The following ANKFN1 variants were observed in gnomAD, a reference collection of about 807,000 sequenced individuals.
The protein encoded by ANKFN1 is ankyrin repeat and fibronectin type-III domain-containing protein 1.
ANKFN1 carries 74 observed loss-of-function variants against 108.7 expected under a neutral mutation model. That is an observed-to-expected ratio of 0.68 (90% CI 0.56 to 0.83). The LOEUF is 0.83. ANKFN1 is among the 40% of genes least tolerant of loss of function. The pLI, the probability that ANKFN1 is intolerant of heterozygous loss-of-function variation, is 0.00. For missense variants in ANKFN1, 1,505 were observed against 1,382.3 expected (o/e 1.09, Z -1.41); for synonymous variants, 547 against 516.2 (o/e 1.06, Z -0.81).
intron 8 of ANKFN1, among the ~76,000 whole-genome samples, chr17:56,399,726 A>G (rs963226908): frequency 6.6e-6 from 1 of 151,700 alleles, no homozygotes; most frequent in South Asian, 2.1e-4. Context: ...AGAACATATG[A>G]TGTTTGGCTT....
chr17:56,284,504 T>C (rs2044166760), intron 3 of ANKFN1, among the ~76,000 whole-genome samples: 1 of 152,196 alleles, frequency 6.6e-6, no homozygotes, highest in Admixed American at 6.5e-5. Context: ...AGTGATTGAA[T>C]TTCACTTAAT....
chr17:56,302,457 G>A (rs1352251721), intron 3 of ANKFN1, among the ~76,000 whole-genome samples: 1 of 148,618 alleles, frequency 6.7e-6, no homozygotes, highest in East Asian at 2.0e-4. Context: ...TAAAGCTGCA[G>A]TGAGCCATAA....
chr17:56,232,027 CT>C (rs887928682), intron 3 of ANKFN1, among the ~76,000 whole-genome samples: 28 of 152,096 alleles, frequency 1.8e-4, no homozygotes, highest in African/African-American at 6.8e-4. Context: ...CTCCCTCTGA[CT>C]TTGGGTCATT....
intron 18 of ANKFN1, among the ~76,000 whole-genome samples, chr17:56,482,831 C>T (rs554518226): frequency 2.6e-5 from 4 of 152,186 alleles, no homozygotes; most frequent in Admixed American, 6.5e-5. Flanking sequence ...ATATAAAAAC[C>T]GATGTTTTCA....
At chr17:56,284,381 T>C (rs1453106561) in intron 3 of ANKFN1, among the ~76,000 whole-genome samples, 1 of 152,246 alleles carries the variant, frequency 6.6e-6, no homozygotes, top group East Asian at 1.9e-4. Flanking sequence ...AAGTATGAGA[T>C]GAAAATACTC....
intron 4 of ANKFN1, among the ~76,000 whole-genome samples, chr17:56,056,720 C>T (rs1211788707): frequency 1.3e-5 from 2 of 152,180 alleles, no homozygotes; most frequent in Non-Finnish European, 2.9e-5. Context: ...CTATAAAAAT[C>T]CTAGAAGAAA....
At chr17:56,451,631 A>G (rs1367020924) in intron 11 of ANKFN1, among the ~76,000 whole-genome samples, 2 of 152,176 alleles carry the variant, frequency 1.3e-5, no homozygotes, top group South Asian at 2.1e-4. Flanking sequence ...TCTGATCCAC[A>G]GTTTCTTGAT....
At chr17:56,062,988 T>C (rs1905001539) in intron 4 of ANKFN1, among the ~76,000 whole-genome samples, 1 of 152,184 alleles carries the variant, frequency 6.6e-6, no homozygotes, top group East Asian at 1.9e-4. Flanking sequence ...CTTATGAAGC[T>C]TAGTTTGGCT....
At chr17:56,216,311 T>C (rs138476228) in intron 2 of ANKFN1, among the ~76,000 whole-genome samples, 1 of 152,352 alleles carries the variant, frequency 6.6e-6, no homozygotes, top group Non-Finnish European at 1.5e-5. Flanking sequence ...TCCTTGGAAA[T>C]TTATTATTTA....
intron 11 of ANKFN1, among the ~76,000 whole-genome samples, chr17:56,455,852 A>C (rs1349916830): frequency 6.6e-6 from 1 of 152,186 alleles, no homozygotes; most frequent in Non-Finnish European, 1.5e-5. Context: ...CAATTAATGA[A>C]TGTCTGTTTT....
At position 56,148,342 on chromosome 17, in the gene ANKFN1, C is replaced by T. The variant is rs553820879; in HGVS notation, c.289-79575C>T. Among the ~76,000 whole-genome samples the T allele has an allele frequency of 7.0e-4, 106 of 152,284 alleles. No homozygotes were observed. In the South Asian group the frequency reaches 0.021, roughly 30 times the overall value. Reference sequence around the variant, plus strand: ...TTCTTTACACGAATGGGATGATTCTCCTAATTTTACAGGAAAGAGGCTAAG... The same window carrying T: ...TTCTTTACACGAATGGGATGATTCTTCTAATTTTACAGGAAAGAGGCTAAG... On this transcript the variant is annotated intron_variant, in intron 4 of 12. Transcript: ENST00000635860.
chr17:56,418,350 A>G (rs2048301350), intron 8 of ANKFN1, among the ~76,000 whole-genome samples: 1 of 152,200 alleles, frequency 6.6e-6, no homozygotes, highest in Non-Finnish European at 1.5e-5. Context: ...AATTCTGGAA[A>G]ATCAAAACCC....
At chr17:56,390,486 T>C (rs1006327630) in intron 8 of ANKFN1, among the ~76,000 whole-genome samples, 1 of 152,306 alleles carries the variant, frequency 6.6e-6, no homozygotes, top group Non-Finnish European at 1.5e-5. Context: ...TTTGCTATTT[T>C]AATAGTGCTA....
chr17:56,467,798 GAAAGAAAGAAAGAAA>G, intron 15 of ANKFN1, among the ~76,000 whole-genome samples: 1 of 30,904 alleles, frequency 3.2e-5, no homozygotes, highest in East Asian at 3.8e-3. Context: ...AAAGAAGAAA[GAAAGAAAGAAAGAAA>G]GAAAGAAAGA....
intron 18 of ANKFN1, among the ~76,000 whole-genome samples, chr17:56,491,124 A>G (rs2051024220): frequency 6.6e-6 from 1 of 152,150 alleles, no homozygotes; most frequent in African/African-American, 2.4e-5. Flanking sequence ...ACATCTAATT[A>G]CTACCTGTAA....
intron 3 of ANKFN1, among the ~76,000 whole-genome samples, chr17:56,288,517 T>G (rs1476780423): frequency 6.6e-6 from 1 of 152,094 alleles, no homozygotes; most frequent in Non-Finnish European, 1.5e-5. Flanking sequence ...ATTCTTACAA[T>G]CAGAAAAGAT....
intron 13 of ANKFN1, 68 bp from the exon 14 acceptor site, chr17:56,457,795 C>T (rs2049761596): frequency 8.1e-7 from 1 of 1,234,458 alleles, no homozygotes; most frequent in Admixed American, 1.8e-5. Flanking sequence ...CCCTGCTTTG[C>T]TTTGATGCCA....
rs764552239 is a variant in ANKFN1, at chr17:56,511,177, C to T, written c.3349C>T (p.Arg1117Cys). Residue 1117 changes from arginine to cysteine, a missense_variant, in exon 21 of 21, where the codon CGC (arginine) becomes TGC (cysteine). Coordinates refer to ENST00000682825, the MANE Select transcript of ANKFN1 (RefSeq NM_001370326.1). The stretch of plus-strand genomic sequence containing the variant: ...AAGCTTGAGCCCGCCCTCTGGAGGC[C>T]GCATCACCCTGCCCAGCCCCACTGG... ...WASLSPPSGG[R>C]ITLPSPTGPD... 2.3e-5 allele frequency: 36 copies of T among 1,535,934 alleles called. No individual in the cohort carries two copies. Among genetic ancestry groups the T allele is most frequent in the Non-Finnish European group, 3.1e-5 (36 of 1,146,892 alleles).
At chr17:56,319,096 AGAG>A (rs1203894833) in intron 3 of ANKFN1, among the ~76,000 whole-genome samples, 3 of 152,206 alleles carry the variant, frequency 2.0e-5, no homozygotes, top group Non-Finnish European at 2.9e-5. Flanking sequence ...AGGAGGAAGA[AGAG>A]GAGGAGGGGT....
Sources: gnomAD v4.1 joint callset for allele counts (sites outside exome capture counted in the v4.1 genomes callset) on GRCh38, gnomAD v4.1.1 for gene constraint, MANE v1.5 for transcripts, NCBI Gene and HGNC (gene_info 2026-07-23, HGNC 2026-07-21) for gene names.